NPTN: variants seen among roughly 807,000 people sequenced by gnomAD.
The protein encoded by NPTN is neuroplastin.
Under a neutral mutation model 42.7 loss-of-function variants are expected in NPTN, and 5 were observed. That is an observed-to-expected ratio of 0.12 (90% confidence interval 0.06 to 0.25). The LOEUF is 0.25. Ranked by LOEUF, NPTN falls within the 10% of genes least tolerant of loss-of-function variation. NPTN has a pLI of 1.00. For synonymous variants in NPTN, 180 were observed against 201.9 expected, an observed-to-expected ratio of 0.89 and a Z score of 0.92; for missense variants, 307 against 525.4, an observed-to-expected ratio of 0.58 and a Z score of 4.06.
intron 1 of NPTN, among the ~76,000 whole-genome samples, chr15:73,631,250 G>A: frequency 6.6e-6 from 1 of 152,162 alleles, no homozygotes; most frequent in Non-Finnish European, 1.5e-5. Context: ...AAACTGAATA[G>A]CTAAAATTAG....
At chr15:73,577,261 A>G (rs886680913) in intron 4 of NPTN, among the ~76,000 whole-genome samples, 3 of 152,144 alleles carry the variant, frequency 2.0e-5, no homozygotes, top group Admixed American at 2.0e-4. Context: ...CACTCTTCTC[A>G]CCTTGGGGTT....
intron 5 of NPTN, among the ~76,000 whole-genome samples, chr15:73,572,311 G>A (rs1325884910): frequency 6.6e-6 from 1 of 152,160 alleles, no homozygotes; most frequent in Non-Finnish European, 1.5e-5. Context: ...GATAATCAAA[G>A]AGGATCCATG....
rs1411857638 is a variant in NPTN at position 73,592,102 on chromosome 15, G to T, written c.475C>A (p.Arg159=). The T allele has an allele frequency of 6.2e-7, 1 of 1,613,950 alleles. No individual in the cohort carries two copies. Among genetic ancestry groups the T allele is most frequent in the Non-Finnish European group, 8.5e-7 (1 of 1,179,914 alleles). ...GTGACAGGGAGAACAGGGCTGTCTC[G>T]AATAATGACCTCTTCACTGGTGACA... The part of the protein sequence containing the change: ...RIVTSEEVII[R]DSPVLPVTLQ... The change falls in exon 3 of 9, where the codon CGA becomes AGA. Residue 159 remains arginine, a synonymous_variant. Transcript: ENST00000345330.
At chr15:73,575,526 G>A (rs958348248) in intron 4 of NPTN, among the ~76,000 whole-genome samples, 1 of 152,210 alleles carries the variant, frequency 6.6e-6, no homozygotes, top group African/African-American at 2.4e-5. Context: ...CAGTTTTGTT[G>A]GTTCTTTCGT....
chr15:73,613,381 T>C (rs749727503), intron 1 of NPTN, among the ~76,000 whole-genome samples: 4 of 152,228 alleles, frequency 2.6e-5, no homozygotes, highest in South Asian at 2.1e-4. Context: ...AGCTAATTTT[T>C]CCATTAACTA....
Position 73,569,588 on chromosome 15 carries a change from A to G in NPTN, c.1114+562T>C. On this transcript the variant is annotated intron_variant, in intron 6 of 8. Coordinates refer to ENST00000345330, the MANE Select transcript of NPTN (RefSeq NM_012428.4). The surrounding 1 kb of genome is among the most constrained non-coding windows in gnomAD (Gnocchi z 4.1). ...CAGCAGAGAGCGCTGGAAACCTATCAAAGGGACCAACCAAGGAACCAAAAG... is the reference window on the plus strand; with the variant it reads ...CAGCAGAGAGCGCTGGAAACCTATCGAAGGGACCAACCAAGGAACCAAAAG... 2.0e-6 allele frequency: 2 copies of G among 985,466 alleles called. No homozygotes were observed. The highest frequency in any genetic ancestry group is 2.4e-6 in the Non-Finnish European group (2 of 829,928). 61.0% of individuals were successfully genotyped at this position (985,466 alleles called of 1,614,324 possible).
chr15:73,612,925 GAATA>G (rs1342770541), intron 1 of NPTN, among the ~76,000 whole-genome samples: 1 of 152,148 alleles, frequency 6.6e-6, no homozygotes, highest in Non-Finnish European at 1.5e-5. Context: ...ATGCCCAGGA[GAATA>G]AATTACACTT....
At chr15:73,580,258 C>G (rs1895918095) in intron 4 of NPTN, among the ~76,000 whole-genome samples, 1 of 150,924 alleles carries the variant, frequency 6.6e-6, no homozygotes, top group Admixed American at 6.6e-5. Context: ...AGGACAAACA[C>G]CTAATGCATG....
At position 73,569,344 on chromosome 15, in the gene NPTN, C is replaced by T; in HGVS notation, c.1114+806G>A. The T allele has an allele frequency of 1.0e-6, 1 of 985,520 alleles. No homozygotes were observed. Among genetic ancestry groups the T allele is most frequent in the Non-Finnish European group, 1.2e-6 (1 of 829,998 alleles). 61.0% of individuals were successfully genotyped at this position (985,520 alleles called of 1,614,324 possible). A position where few individuals can be genotyped will look rare whatever the true frequency, so the allele number is the denominator to read the frequency against. ...AGGCTTTTCTGACTCTAGGCATATC[C>T]AATAACCTAAGATTTCAGCTCTTGC... On this transcript the variant is annotated intron_variant, in intron 6 of 8. Coordinates refer to ENST00000345330, the MANE Select transcript of NPTN (RefSeq NM_012428.4). The surrounding 1 kb of genome is among the most constrained non-coding windows in gnomAD (Gnocchi z 4.1).
chr15:73,578,050 T>C (rs927338134), intron 4 of NPTN, among the ~76,000 whole-genome samples: 4 of 152,226 alleles, frequency 2.6e-5, no homozygotes, highest in African/African-American at 9.6e-5. Context: ...TGAGGTAGGA[T>C]TGTGCTTGTT....
intron 1 of NPTN, among the ~76,000 whole-genome samples, chr15:73,601,393 T>G (rs1897079028): frequency 6.6e-6 from 1 of 152,082 alleles, no homozygotes; most frequent in Admixed American, 6.5e-5. Flanking sequence ...TACTGTGAAA[T>G]CACAATTAGC....
At chr15:73,605,827 G>A (rs1321658136) in intron 1 of NPTN, among the ~76,000 whole-genome samples, 1 of 152,048 alleles carries the variant, frequency 6.6e-6, no homozygotes, top group Non-Finnish European at 1.5e-5. Context: ...GTCTTCCAGG[G>A]TTCCTTCCTA....
In NPTN at chr15:73,560,110, A is replaced by C. The variant is rs1894571824; in HGVS notation, c.*953T>G. Reference sequence around the variant, plus strand: ...TTACACAAAACACACAAGTACATGCATCTACAATTACGCACCGCATGAGAA... The same window carrying C: ...TTACACAAAACACACAAGTACATGCCTCTACAATTACGCACCGCATGAGAA... On this transcript the variant is annotated 3_prime_UTR_variant, in exon 9 of 9. Coordinates refer to ENST00000345330, the MANE Select transcript of NPTN (RefSeq NM_012428.4). 2.0e-6 allele frequency: 1 copy of C among 492,116 alleles called. No homozygotes were observed. The highest frequency in any genetic ancestry group is 3.8e-5 in the East Asian group (1 of 26,114). 30.5% of individuals were successfully genotyped at this position (492,116 alleles called of 1,614,324 possible). A position where few individuals can be genotyped will look rare whatever the true frequency, so the allele number is the denominator to read the frequency against.
At chr15:73,572,266 A>C (rs1211916272) in intron 5 of NPTN, among the ~76,000 whole-genome samples, 5 of 152,228 alleles carry the variant, frequency 3.3e-5, no homozygotes, top group Non-Finnish European at 7.3e-5. Flanking sequence ...AAGATGGATT[A>C]ATGATCTTTA....
At position 73,570,055 on chromosome 15, in the gene NPTN, G is replaced by A; in HGVS notation, c.1114+95C>T. 1 of 1,212,580 alleles carries A rather than the reference G, an allele frequency of 8.2e-7. No individual in the cohort carries two copies. The highest frequency in any genetic ancestry group is 1.1e-6 in the Non-Finnish European group (1 of 905,188). The allele number at this position is 1,212,580 out of a possible 1,614,324, so 75.1% of individuals were successfully genotyped here. ...ATTTTCCTTCTTTCCTTTAGGGATTGAATCCCAACATCCCTATAGTCCTCT... is the reference window on the plus strand; with the variant it reads ...ATTTTCCTTCTTTCCTTTAGGGATTAAATCCCAACATCCCTATAGTCCTCT... On this transcript the variant is annotated intron_variant, in intron 6 of 8. Transcript: ENST00000345330. This position sits in a 1 kb window ranked among gnomAD's most constrained non-coding sequence, Gnocchi z 4.0.
rs916980311 is a variant in NPTN at position 73,567,691 on chromosome 15, G to C, written c.1114+2459C>G. ...AGCGGGCAGGGGTGGAAGCAGGATG[G>C]AGTTTGAGAGAAAGACAGAAAGAGA... On this transcript the variant is annotated intron_variant, in intron 6 of 8. Coordinates refer to ENST00000345330, the MANE Select transcript of NPTN (RefSeq NM_012428.4). 3 of 985,304 alleles carry C rather than the reference G, an allele frequency of 3.0e-6. No homozygotes were observed. In the African/African-American group the frequency reaches 5.2e-5, roughly 17 times the overall value. 61.0% of individuals were successfully genotyped at this position (985,304 alleles called of 1,614,324 possible).
Position 73,597,031 on chromosome 15 carries a change from CGCTTAT to C in NPTN, c.424_429del (p.Ile142_Ser143del). On this transcript the variant is annotated inframe_deletion, in exon 2 of 9. Coordinates refer to ENST00000345330, the MANE Select transcript of NPTN (RefSeq NM_012428.4). The surrounding 1 kb of genome is among the most constrained non-coding windows in gnomAD (Gnocchi z 6.3). ...AGGGTGCTGGACTCACTCTGAAGGA[CGCTTAT>C]GGTGGCCTGGGCTCGAATCCATGTT... 6.2e-7 allele frequency: 1 copy of C among 1,613,388 alleles called. No homozygotes were observed. The highest frequency in any genetic ancestry group is 8.5e-7 in the Non-Finnish European group (1 of 1,179,686).
At chr15:73,605,838 T>A (rs774264596) in intron 1 of NPTN, among the ~76,000 whole-genome samples, 3 of 152,212 alleles carry the variant, frequency 2.0e-5, no homozygotes, top group Non-Finnish European at 4.4e-5. Flanking sequence ...TTCCTTCCTA[T>A]GATCCTGAAT....
chr15:73,562,037 G>A (rs1894705410), intron 7 of NPTN, 67 bp from the exon 8 acceptor site: 1 of 1,149,068 alleles, frequency 8.7e-7, no homozygotes, highest in African/African-American at 1.6e-5. Context: ...ATAACACATG[G>A]AAATACAGGG....
Sources: gnomAD v4.1 joint callset for allele counts (sites outside exome capture counted in the v4.1 genomes callset) on GRCh38, gnomAD v4.1.1 for gene constraint, Gnocchi (gnomAD v3.1) non-coding constraint, MANE v1.5 for transcripts, NCBI Gene and HGNC (gene_info 2026-07-23, HGNC 2026-07-21) for gene names.